MAD1L1: variants seen among roughly 807,000 people sequenced by gnomAD.
MAD1L1 encodes the protein mitotic spindle assembly checkpoint protein MAD1.
MAD1L1 carries 95 observed loss-of-function variants against 96.9 expected under a neutral mutation model. The ratio of observed to expected loss-of-function variants is 0.98; its 90% CI spans 0.83 to 1.16. The LOEUF is 1.16. MAD1L1 is among the 50% of genes most tolerant of loss of function. MAD1L1 has a pLI of 0.00. For missense variants in MAD1L1, 1,007 were observed against 954.4 expected, an observed-to-expected ratio of 1.06 and a Z score of -0.73; for synonymous variants, 473 against 396.6, an observed-to-expected ratio of 1.19 and a Z score of -2.29.
At chr7:2,010,494 T>C (rs1782247446) in intron 13 of MAD1L1, among the ~76,000 whole-genome samples, 1 of 152,138 alleles carries the variant, frequency 6.6e-6, no homozygotes, top group Non-Finnish European at 1.5e-5. Context: ...GTGCACTGCG[T>C]ATTTATAGCT....
At chr7:1,842,566 A>G (rs1370454966) in intron 18 of MAD1L1, among the ~76,000 whole-genome samples, 1 of 152,258 alleles carries the variant, frequency 6.6e-6, no homozygotes, top group East Asian at 1.9e-4. Flanking sequence ...GTCCCAGGCG[A>G]GCTGAGTAAC....
intron 5 of MAD1L1, among the ~76,000 whole-genome samples, chr7:2,219,893 G>A (rs571313147): frequency 3.3e-5 from 5 of 152,148 alleles, no homozygotes; most frequent in East Asian, 1.9e-4. Context: ...TTGGTGAGGC[G>A]GCTTCAGAAG....
rs768089526 is a variant in MAD1L1 at position 1,822,442 on chromosome 7, A to ATATTTATATTT, written c.1999-6215_1999-6214insAAATATAAATA. On this transcript the variant is annotated intron_variant, in intron 18 of 18. Coordinates refer to ENST00000265854, the MANE Select transcript of MAD1L1 (RefSeq NM_001013836.2). Reference sequence around the variant, plus strand: ...TCCAAACCTCAGCATATATATATATATTTTTTTTTTTTTTTTGGAAAGAGG... The same window carrying ATATTTATATTT: ...TCCAAACCTCAGCATATATATATATATATTTATATTTTTTTTTTTTTTTTTTTGGAAAGAGG... Among the ~76,000 whole-genome samples the ATATTTATATTT allele has an allele frequency of 2.1e-5, 3 of 140,590 alleles. No homozygotes were observed. The South Asian group carries it at 6.7e-4, about 31-fold the overall frequency. The allele number at this position is 140,590 out of a possible 152,430, so 92.2% of individuals were successfully genotyped here.
At chr7:2,031,955 T>C (rs1783246870) in intron 12 of MAD1L1, among the ~76,000 whole-genome samples, 1 of 152,208 alleles carries the variant, frequency 6.6e-6, no homozygotes, top group African/African-American at 2.4e-5. Flanking sequence ...AGCGTTCCTA[T>C]CAGCAAAACA....
At chr7:2,220,845 C>A in intron 5 of MAD1L1, 1 of 1,566,698 alleles carries the variant, frequency 6.4e-7, no homozygotes, top group Non-Finnish European at 8.7e-7. Context: ...ACAATAAACA[C>A]ATCCTCCCAG....
At chr7:1,921,001 C>T (rs1788757806) in intron 17 of MAD1L1, among the ~76,000 whole-genome samples, 1 of 152,226 alleles carries the variant, frequency 6.6e-6, no homozygotes, top group African/African-American at 2.4e-5. Flanking sequence ...GACAGGCAAC[C>T]CAAAGAGAGG....
At chr7:1,888,803 G>A (rs1049356619) in intron 18 of MAD1L1, among the ~76,000 whole-genome samples, 3 of 152,180 alleles carry the variant, frequency 2.0e-5, no homozygotes, top group African/African-American at 4.8e-5. Context: ...GCATGCATGT[G>A]GGTGGCTGTG....
chr7:2,048,242 C>T (rs190232974), intron 12 of MAD1L1, among the ~76,000 whole-genome samples: 3 of 152,348 alleles, frequency 2.0e-5, no homozygotes, highest in African/African-American at 7.2e-5. Context: ...GCACCCTAGT[C>T]GGGCAGCGGG....
chr7:1,887,544 T>C (rs1458596332), intron 18 of MAD1L1, among the ~76,000 whole-genome samples: 1 of 151,136 alleles, frequency 6.6e-6, no homozygotes, highest in Non-Finnish European at 1.5e-5. Context: ...TGTGGCTGCC[T>C]GTGCATGTGT....
chr7:1,971,933 G>T (rs1780422786), intron 15 of MAD1L1, among the ~76,000 whole-genome samples: 1 of 152,198 alleles, frequency 6.6e-6, no homozygotes. Context: ...AAAACAGAAT[G>T]AAGACCTCAT....
intron 10 of MAD1L1, among the ~76,000 whole-genome samples, chr7:2,176,580 TA>T (rs550777452): frequency 0.027 from 4,040 of 148,796 alleles, 92 homozygotes; most frequent in South Asian, 0.074. Flanking sequence ...TAAGGAATCT[TA>T]AAAAAAAAAA....
chr7:2,028,762 C>T (rs1783094067), intron 12 of MAD1L1, among the ~76,000 whole-genome samples: 1 of 152,104 alleles, frequency 6.6e-6, no homozygotes, highest in Admixed American at 6.5e-5. Flanking sequence ...ACAGCCAATA[C>T]AGACAGAGCC....
intron 16 of MAD1L1, among the ~76,000 whole-genome samples, chr7:1,950,037 C>T (rs1278259566): frequency 6.6e-6 from 1 of 152,188 alleles, no homozygotes; most frequent in Non-Finnish European, 1.5e-5. Context: ...GCAGTGGGTC[C>T]CTGGGCACAT....
At chr7:1,938,901 G>A (rs867618487) in intron 16 of MAD1L1, among the ~76,000 whole-genome samples, 1,645 of 61,212 alleles carry the variant, frequency 0.027, 84 homozygotes, top group Admixed American at 0.08. Context: ...GGCCAGAGGC[G>A]CGCACACACA....
At chr7:2,058,101 A>T (rs1255812802) in intron 12 of MAD1L1, among the ~76,000 whole-genome samples, 2 of 42,774 alleles carry the variant, frequency 4.7e-5, no homozygotes, top group Non-Finnish European at 8.0e-5. Context: ...CTGGAGAGGG[A>T]GTGTGGCCAG....
At chr7:2,085,796 T>C (rs1189635764) in intron 11 of MAD1L1, among the ~76,000 whole-genome samples, 1 of 152,192 alleles carries the variant, frequency 6.6e-6, no homozygotes, top group Non-Finnish European at 1.5e-5. Flanking sequence ...CGAGTGTTCG[T>C]GCAAACATGT....
intron 11 of MAD1L1, among the ~76,000 whole-genome samples, chr7:2,111,450 G>C (rs1360948318): frequency 6.6e-6 from 1 of 152,198 alleles, no homozygotes; most frequent in African/African-American, 2.4e-5. Context: ...TTTCCCTAAA[G>C]TCACCGGAGA....
chr7:2,024,627 C>T (rs143353505), intron 12 of MAD1L1, among the ~76,000 whole-genome samples: 70 of 152,304 alleles, frequency 4.6e-4, no homozygotes, highest in African/African-American at 1.3e-3. Context: ...CCCTAATAAA[C>T]GCTTCAAATG....
At chr7:1,943,361 C>G (rs575811673) in intron 16 of MAD1L1, among the ~76,000 whole-genome samples, 85 of 152,296 alleles carry the variant, frequency 5.6e-4, no homozygotes, top group African/African-American at 2.0e-3. Context: ...AATCTATACC[C>G]GAAGAACTTA....
Sources: gnomAD v4.1 joint callset for allele counts (sites outside exome capture counted in the v4.1 genomes callset) on GRCh38, gnomAD v4.1.1 for gene constraint, MANE v1.5 for transcripts, NCBI Gene and HGNC (gene_info 2026-07-23, HGNC 2026-07-21) for gene names.